PTPRT: variants seen among roughly 807,000 people sequenced by gnomAD.
PTPRT encodes the protein receptor-type tyrosine-protein phosphatase T.
Under a neutral mutation model 176.8 loss-of-function variants are expected in PTPRT, and 56 were observed. The ratio of observed to expected loss-of-function variants is 0.32; its 90% CI spans 0.26 to 0.40. The LOEUF (loss-of-function observed/expected upper bound fraction) is 0.40, where lower values mean the gene tolerates loss of function less well. Among genes scored for constraint, PTPRT ranks in the 10% least tolerant of loss-of-function variants. The pLI is 1.00. For missense variants in PTPRT, 1,540 were observed against 1,908.2 expected, an observed-to-expected ratio of 0.81 and a Z score of 3.60; for synonymous variants, 783 against 739.0, an observed-to-expected ratio of 1.06 and a Z score of -0.96.
chr20:42,650,987 A>G (rs1027539150), intron 7 of PTPRT, among the ~76,000 whole-genome samples: 1 of 151,922 alleles, frequency 6.6e-6, no homozygotes, highest in Non-Finnish European at 1.5e-5. Context: ...GAGGCCCCCA[A>G]AATAAACTAA....
At chr20:42,364,761 G>T (rs777707458) in intron 9 of PTPRT, among the ~76,000 whole-genome samples, 1 of 152,188 alleles carries the variant, frequency 6.6e-6, no homozygotes, top group Non-Finnish European at 1.5e-5. Flanking sequence ...GTCCAGAGTG[G>T]AACCTCACAG....
chr20:42,329,494 CACACACACAT>C (rs1473338679), intron 11 of PTPRT, among the ~76,000 whole-genome samples: 75 of 140,562 alleles, frequency 5.3e-4, no homozygotes, highest in Non-Finnish European at 6.2e-4. Context: ...CACACACACA[CACACACACAT>C]ACACACACAC....
At chr20:42,638,000 T>C (rs1404935872) in intron 7 of PTPRT, among the ~76,000 whole-genome samples, 1 of 152,096 alleles carries the variant, frequency 6.6e-6, no homozygotes, top group Non-Finnish European at 1.5e-5. Flanking sequence ...CAGGAGCCAA[T>C]TGTGCACATC....
At chr20:42,032,216 T>A in the PTPRT span, among the ~76,000 whole-genome samples, 1 of 150,708 alleles carries the variant, frequency 6.6e-6, no homozygotes, top group Non-Finnish European at 1.5e-5. Context: ...GGATGGGGAG[T>A]GATAGGATAT....
chr20:42,358,086 G>GA (rs35971618), intron 9 of PTPRT, among the ~76,000 whole-genome samples: 27,800 of 142,876 alleles, frequency 0.19, 3,445 homozygotes, highest in East Asian at 0.57. Flanking sequence ...GAGAAATCTG[G>GA]AAAAAAAAAA....
rs533166712 is a variant in PTPRT at position 42,138,414 on chromosome 20, A to G, written c.2770+3501T>C. ...GGTCATCTCTCTTTGGGTCCTGGTA[A>G]CCCCTCCTACGGAATCCTTCCTGGT... On this transcript the variant is annotated intron_variant, in intron 18 of 30. Transcript: ENST00000373187. Among the ~76,000 whole-genome samples, 454 of 152,250 alleles carry G rather than the reference A, an allele frequency of 3.0e-3. 5 individuals carry two copies. Among genetic ancestry groups the G allele is most frequent in the Non-Finnish European group, 5.0e-3 (337 of 68,020 alleles).
rs1478715742 is a variant in PTPRT, at chr20:43,088,333, G to GGCGT, written c.88+101312_88+101313insACGC. Among the ~76,000 whole-genome samples, 527 of 142,846 alleles carry GGCGT rather than the reference G, an allele frequency of 3.7e-3. 5 individuals are homozygous for GGCGT. The highest frequency in any genetic ancestry group is 0.013 in the African/African-American group (503 of 38,530). 93.7% of individuals were successfully genotyped at this position (142,846 alleles called of 152,430 possible). A position where few individuals can be genotyped will look rare whatever the true frequency, so the allele number is the denominator to read the frequency against. ...TGTGTTAGGTTTTGTTTTGCTTTGG[G>GGCGT]GTGTGTGTGTGTGTGTGTGTGTGTG... On this transcript the variant is annotated intron_variant, in intron 1 of 30. Transcript: ENST00000373187.
chr20:42,652,107 C>T (rs144151180), intron 7 of PTPRT, among the ~76,000 whole-genome samples: 1 of 151,418 alleles, frequency 6.6e-6, no homozygotes, highest in Non-Finnish European at 1.5e-5. Flanking sequence ...ATGGATGATA[C>T]TATATCTTCA....
intron 16 of PTPRT, among the ~76,000 whole-genome samples, chr20:42,189,408 C>A (rs11905727): frequency 0.057 from 8,707 of 152,242 alleles, 831 homozygotes; most frequent in African/African-American, 0.2. Context: ...AATCCACTTA[C>A]AACTCTCCTC....
intron 2 of PTPRT, among the ~76,000 whole-genome samples, chr20:42,804,212 C>T (rs564918214): frequency 3.5e-4 from 53 of 152,220 alleles, no homozygotes; most frequent in Middle Eastern, 3.4e-3. Flanking sequence ...CTCCACCTGC[C>T]CCCATCCTCT....
At chr20:43,050,165 G>T (rs1383396076) in intron 1 of PTPRT, among the ~76,000 whole-genome samples, 3 of 152,176 alleles carry the variant, frequency 2.0e-5, no homozygotes, top group African/African-American at 7.2e-5. Flanking sequence ...TAGCAAGGCT[G>T]GTTCATTCAG....
chr20:42,908,781 A>C (rs1600546191), intron 1 of PTPRT, among the ~76,000 whole-genome samples: 1 of 152,232 alleles, frequency 6.6e-6, no homozygotes, highest in Non-Finnish European at 1.5e-5. Flanking sequence ...TGAGTAATCA[A>C]ATAGTCTTTG....
intron 7 of PTPRT, among the ~76,000 whole-genome samples, chr20:42,557,645 C>A (rs369712167): frequency 3.3e-4 from 50 of 152,176 alleles, no homozygotes; most frequent in Middle Eastern, 3.4e-3. Flanking sequence ...AGCAAGGGGA[C>A]AGAAAGTCAT....
chr20:42,886,122 G>A (rs541165343), intron 1 of PTPRT, among the ~76,000 whole-genome samples, 190 bp from the exon 2 acceptor site: 1 of 152,048 alleles, frequency 6.6e-6, no homozygotes, highest in East Asian at 1.9e-4. Flanking sequence ...CTCAGGAAAG[G>A]CACTGGCATC....
chr20:42,343,557 T>G (rs1418875473), intron 11 of PTPRT, among the ~76,000 whole-genome samples: 2 of 152,250 alleles, frequency 1.3e-5, no homozygotes, highest in Non-Finnish European at 2.9e-5. Flanking sequence ...GTGCTGGCCC[T>G]TTGGCAATGA....
chr20:42,117,204 A>G (rs1263095932), intron 21 of PTPRT, among the ~76,000 whole-genome samples: 1 of 152,178 alleles, frequency 6.6e-6, no homozygotes, highest in African/African-American at 2.4e-5. Context: ...TGAGATGTCC[A>G]TACCCCTTTA....
chr20:42,743,958 C>T (rs559139357), intron 6 of PTPRT, among the ~76,000 whole-genome samples: 1 of 152,194 alleles, frequency 6.6e-6, no homozygotes, highest in East Asian at 1.9e-4. Flanking sequence ...TTTACTCTAC[C>T]TCCTTTTCTC....
Position 42,613,745 on chromosome 20 carries a change from A to G in PTPRT, c.1153+64121T>C, listed in dbSNP as rs1014015675. On this transcript the variant is annotated intron_variant, in intron 7 of 30. Transcript: ENST00000373187. The stretch of plus-strand genomic sequence containing the variant: ...GTCTAAGCTGAAAGAAAATTTCAAC[A>G]CTAAATCCCTTAGTCTTTCCTTTTC... Among the ~76,000 whole-genome samples the G allele has an allele frequency of 2.6e-5, 4 of 152,120 alleles. No homozygotes were observed. The East Asian group carries it at 7.7e-4, about 29-fold the overall frequency.
At chr20:42,786,732 A>G (rs2077296446) in intron 3 of PTPRT, among the ~76,000 whole-genome samples, 2 of 152,074 alleles carry the variant, frequency 1.3e-5, no homozygotes, top group Non-Finnish European at 2.9e-5. Flanking sequence ...GTCTGGTCCT[A>G]TATATGGGGT....
Sources: gnomAD v4.1 joint callset for allele counts (sites outside exome capture counted in the v4.1 genomes callset) on GRCh38, gnomAD v4.1.1 for gene constraint, MANE v1.5 for transcripts, NCBI Gene and HGNC (gene_info 2026-07-23, HGNC 2026-07-21) for gene names.